Variants in RHOBTB1 observed in about 807,000 individuals in gnomAD.
The protein encoded by RHOBTB1 is rho-related BTB domain-containing protein 1.
Under a neutral mutation model 71.6 loss-of-function variants are expected in RHOBTB1, and 40 were observed. The ratio of observed to expected loss-of-function variants is 0.56; its 90% CI spans 0.43 to 0.73. The LOEUF (loss-of-function observed/expected upper bound fraction) is 0.73, where lower values mean the gene tolerates loss of function less well. Among genes scored for constraint, RHOBTB1 ranks in the 30% least tolerant of loss-of-function variants. The pLI, the probability that RHOBTB1 is intolerant of heterozygous loss-of-function variation, is 0.00. For missense variants in RHOBTB1, 797 were observed against 894.0 expected (o/e 0.89, Z 1.38); for synonymous variants, 319 against 334.9 (o/e 0.95, Z 0.52).
At chr10:60,993,570 T>C (rs1305877588) in intron 1 of RHOBTB1, among the ~76,000 whole-genome samples, 1 of 152,186 alleles carries the variant, frequency 6.6e-6, no homozygotes, top group Admixed American at 6.5e-5. Flanking sequence ...GAGTGTTGAA[T>C]TTCATGGCAT....
chr10:60,982,738 T>C (rs1041132743), intron 2 of RHOBTB1, among the ~76,000 whole-genome samples: 3 of 152,286 alleles, frequency 2.0e-5, no homozygotes, highest in East Asian at 3.9e-4. Flanking sequence ...GATGAGGAAA[T>C]TGTGACTCCC....
rs200950035 is a variant in RHOBTB1, at chr10:60,888,213, C to T, written c.1455G>A (p.Ser485=). The T allele has an allele frequency of 7.4e-5, 119 of 1,611,192 alleles. No individual in the cohort carries two copies. The highest frequency in any genetic ancestry group is 2.4e-4 in the African/African-American group (18 of 74,856). The part of the protein sequence containing the change: ...IKECLSKGTF[S]DVTFKLDDGA... ...GGCTCTGCCCCGCGGCCCACTCACC[C>T]GAGAACGTTCCCTTGCTGAGACACT... Residue 485 remains serine, a splice_region_variant and synonymous_variant, in exon 6 of 11, where the codon TCG becomes TCA. Transcript: ENST00000337910.
chr10:60,900,918 A>T (rs1359471887), intron 4 of RHOBTB1, among the ~76,000 whole-genome samples: 2 of 152,184 alleles, frequency 1.3e-5, no homozygotes, highest in South Asian at 2.1e-4. Context: ...TACCCCATGT[A>T]ATTGGATAAT....
At chr10:60,900,843 C>T (rs942596537) in intron 4 of RHOBTB1, among the ~76,000 whole-genome samples, 4 of 152,076 alleles carry the variant, frequency 2.6e-5, no homozygotes, top group Non-Finnish European at 4.4e-5. Flanking sequence ...CTCTGGTATA[C>T]GGCAGAGGTT....
chr10:60,973,859 C>T (rs1589442927), intron 2 of RHOBTB1, among the ~76,000 whole-genome samples: 4 of 152,042 alleles, frequency 2.6e-5, no homozygotes, highest in East Asian at 3.9e-4. Context: ...AATGAGCTCC[C>T]GATGTAGGTG....
intron 4 of RHOBTB1, among the ~76,000 whole-genome samples, chr10:60,905,449 CAAAAAAAAAA>C (rs35538782): frequency 2.0e-5 from 1 of 48,974 alleles, no homozygotes; most frequent in African/African-American, 7.8e-5. Context: ...GACTCTTTCT[CAAAAAAAAAA>C]AAAAAAAAAA....
At chr10:60,904,473 C>T (rs1469125154) in intron 4 of RHOBTB1, among the ~76,000 whole-genome samples, 3 of 152,170 alleles carry the variant, frequency 2.0e-5, no homozygotes, top group Non-Finnish European at 4.4e-5. Context: ...CTTTCCGTCA[C>T]TATAGATTAG....
chr10:60,940,345 G>A (rs769281777), intron 2 of RHOBTB1, among the ~76,000 whole-genome samples: 4 of 152,062 alleles, frequency 2.6e-5, no homozygotes, highest in Admixed American at 6.5e-5. Context: ...ATTACTCTAC[G>A]AAAAGAAAGA....
In RHOBTB1 at chr10:60,888,194, G is replaced by A. The variant is rs2132624603; in HGVS notation, c.1456+18C>T. On this transcript the variant is annotated intron_variant, in intron 6 of 10. Transcript: ENST00000337910. The stretch of plus-strand genomic sequence containing the variant: ...CACAATCAAAGGTATTAATGGCTCT[G>A]CCCCGCGGCCCACTCACCCGAGAAC... 2 of 1,602,560 alleles carry A rather than the reference G, an allele frequency of 1.2e-6. No homozygotes were observed. Among genetic ancestry groups the A allele is most frequent in the East Asian group, 4.5e-5 (2 of 44,732 alleles).
At chr10:60,896,317 TA>T (rs2082158580) in intron 4 of RHOBTB1, among the ~76,000 whole-genome samples, 1 of 152,236 alleles carries the variant, frequency 6.6e-6, no homozygotes, top group Non-Finnish European at 1.5e-5. Flanking sequence ...AGAGTCAGTT[TA>T]AAAATAATTG....
chr10:60,913,941 G>A (rs759481877), intron 2 of RHOBTB1, among the ~76,000 whole-genome samples: 2 of 152,118 alleles, frequency 1.3e-5, no homozygotes, highest in Non-Finnish European at 2.9e-5. Flanking sequence ...CCTCAGTGCC[G>A]TAACTGACAC....
chr10:60,928,985 G>T (rs2084063263), intron 2 of RHOBTB1, among the ~76,000 whole-genome samples: 1 of 152,130 alleles, frequency 6.6e-6, no homozygotes, highest in African/African-American at 2.4e-5. Context: ...GGAGGGTGAA[G>T]GGGAAGCAAG....
chr10:60,930,435 C>A (rs2084174723), intron 2 of RHOBTB1, among the ~76,000 whole-genome samples: 1 of 152,094 alleles, frequency 6.6e-6, no homozygotes, highest in Admixed American at 6.6e-5. Context: ...GATGAGTTTG[C>A]AATAATCCAG....
At chr10:60,903,951 A>C (rs1247590553) in intron 4 of RHOBTB1, among the ~76,000 whole-genome samples, 2 of 152,032 alleles carry the variant, frequency 1.3e-5, no homozygotes, top group African/African-American at 4.8e-5. Flanking sequence ...TTTGTCCATA[A>C]GGATATTTCT....
chr10:60,998,214 C>A (rs2087126818), intron 1 of RHOBTB1, among the ~76,000 whole-genome samples: 1 of 152,186 alleles, frequency 6.6e-6, no homozygotes, highest in Non-Finnish European at 1.5e-5. Context: ...ACTATAAGAT[C>A]AATGATGCTT....
At chr10:60,927,275 A>G (rs1176367845) in intron 2 of RHOBTB1, among the ~76,000 whole-genome samples, 1 of 152,142 alleles carries the variant, frequency 6.6e-6, no homozygotes, top group Admixed American at 6.5e-5. Context: ...TGCCCATACC[A>G]CCCAATGCAA....
chr10:60,946,799 C>T (rs1464240105), upstream of RHOBTB1, among the ~76,000 whole-genome samples: 2 of 152,192 alleles, frequency 1.3e-5, no homozygotes, highest in Non-Finnish European at 2.9e-5. Flanking sequence ...CAGGGCACAC[C>T]AAGGCTCACA....
In RHOBTB1 at chr10:60,888,360, G is replaced by A. The variant is rs774589710; in HGVS notation, c.1308C>T (p.Ile436=). 2.5e-6 allele frequency: 4 copies of A among 1,614,092 alleles called. No individual in the cohort carries two copies. Among genetic ancestry groups the A allele is most frequent in the Admixed American group, 3.3e-5 (2 of 60,016 alleles). The change falls in exon 6 of 11, where the codon ATC becomes ATT. Residue 436 remains isoleucine, a synonymous_variant. Coordinates refer to ENST00000337910, the MANE Select transcript of RHOBTB1 (RefSeq NM_014836.5). ...KEKDLVGLAQ[I]AEVLEMFDLR... is the part of the protein sequence containing the mutation. ...AATCGAACATCTCGAGGACCTCTGC[G>A]ATCTGAGCCAGGCCCACCAAATCCT... is the stretch of plus-strand genomic sequence containing the variant.
intron 6 of RHOBTB1, among the ~76,000 whole-genome samples, chr10:60,886,663 C>T (rs771631249): frequency 1.0e-3 from 152 of 150,276 alleles, no homozygotes; most frequent in Non-Finnish European, 1.4e-3. Flanking sequence ...ATAATATGCT[C>T]TACTCGTATG....
Sources: allele counts gnomAD v4.1 joint callset (sites outside exome capture counted in the v4.1 genomes callset), GRCh38; gene constraint gnomAD v4.1.1; transcripts MANE v1.5; gene names NCBI Gene and HGNC (gene_info 2026-07-23, HGNC 2026-07-21).